Variants in PTH2R observed in about 807,000 individuals in gnomAD.
PTH2R encodes parathyroid hormone 2 receptor.
In PTH2R, 59 loss-of-function variants were observed where a neutral mutation model predicts 60.3. The ratio of observed to expected loss-of-function variants is 0.98; its 90% CI spans 0.79 to 1.22. PTH2R has a LOEUF of 1.22. Among genes scored for constraint, PTH2R ranks in the 50% most tolerant of loss-of-function variants. PTH2R has a pLI of 0.00. For missense variants in PTH2R, 749 were observed against 682.6 expected (o/e 1.10, Z -1.08); for synonymous variants, 256 against 243.8 (o/e 1.05, Z -0.47).
chr2:208,374,051 C>T (rs1439511130), intron 1 of PTH2R, among the ~76,000 whole-genome samples: 2 of 151,472 alleles, frequency 1.3e-5, no homozygotes. Context: ...ATAGGAATAG[C>T]CCCACCTTAA....
At position 208,399,092 on chromosome 2, in the gene PTH2R, A is replaced by C. The variant is rs551193995; in HGVS notation, c.-258-29109A>C. On this transcript the variant is annotated intron_variant, in intron 1 of 12. Coordinates refer to the PTH2R transcript ENST00000617735. ...CTTCTTCATACCTTATTGTTTACAT[A>C]ATCATCTCTTAGTTTCCCCTATCAC... 9.2e-5 allele frequency among the ~76,000 whole-genome samples: 14 copies of C among 152,326 alleles called. No homozygotes were observed. The South Asian group carries it at 2.9e-3, about 32-fold the overall frequency.
intron 1 of PTH2R, among the ~76,000 whole-genome samples, chr2:208,407,729 G>T (rs1701446596): frequency 1.3e-5 from 2 of 152,134 alleles, no homozygotes; most frequent in South Asian, 4.1e-4. Flanking sequence ...TCTTTAATGT[G>T]CAAGGCACAA....
At chr2:208,397,329 A>C (rs1701229845) in intron 1 of PTH2R, among the ~76,000 whole-genome samples, 1 of 151,946 alleles carries the variant, frequency 6.6e-6, no homozygotes, top group Admixed American at 6.6e-5. Context: ...GGCCAAGAGC[A>C]CCTTGGAATG....
At chr2:208,443,672 T>C in intron 6 of PTH2R, 135 bp downstream of exon 6, 3 of 661,242 alleles carry the variant, frequency 4.5e-6, no homozygotes, top group Non-Finnish European at 7.0e-6. Flanking sequence ...TCAATTTGTA[T>C]AGTGATGTTT....
chr2:208,437,827 G>C lies in PTH2R; in HGVS notation c.357G>C (p.Trp119Cys). 6.2e-7 allele frequency: 1 copy of C among 1,613,696 alleles called. No homozygotes were observed. The highest frequency in any genetic ancestry group is 8.5e-7 in the Non-Finnish European group (1 of 1,179,716). ...WDFMHSLNKTWANYSDCLRFL... is the reference protein window; with the variant it reads ...WDFMHSLNKTCANYSDCLRFL... ...TTATGCACAGCTTAAATAAAACATGGGCCAATTATTCAGACTGCCTTCGCT... is the reference window on the plus strand; with the variant it reads ...TTATGCACAGCTTAAATAAAACATGCGCCAATTATTCAGACTGCCTTCGCT... Residue 119 changes from tryptophan (W) to cysteine (C), a missense_variant, in exon 4 of 13, where the codon TGG (tryptophan) becomes TGC (cysteine). Physicochemically the swap from Trp to Cys is radical, Grantham distance 215. Transcript: ENST00000272847.
intron 1 of PTH2R, among the ~76,000 whole-genome samples, chr2:208,408,740 A>AGAGAGAGAGAGAGAGAGAGAGAGAGAG (rs1553542827): frequency 8.1e-6 from 1 of 123,314 alleles, no homozygotes; most frequent in Non-Finnish European, 1.6e-5. Context: ...GAGAGAGAGA[A>AGAGAGAGAGAGAGAGAGAGAGAGAGAG]AGAGAGAGAG....
intron 9 of PTH2R, among the ~76,000 whole-genome samples, chr2:208,477,931 G>C (rs1297975381): frequency 6.9e-6 from 1 of 144,476 alleles, no homozygotes; most frequent in African/African-American, 2.5e-5. Flanking sequence ...ACTAGTACTA[G>C]CACTACTACT....
At chr2:208,376,672 A>G (rs750619366) in intron 1 of PTH2R, among the ~76,000 whole-genome samples, 32 of 152,064 alleles carry the variant, frequency 2.1e-4, no homozygotes, top group East Asian at 1.3e-3. Flanking sequence ...CAAATCATCT[A>G]TCAAAACCCA....
intron 1 of PTH2R, among the ~76,000 whole-genome samples, chr2:208,365,639 T>C (rs572484605): frequency 6.6e-6 from 1 of 151,982 alleles, no homozygotes; most frequent in East Asian, 1.9e-4. Context: ...TTTTTTCTTG[T>C]AGTATTTTTG....
intron 9 of PTH2R, among the ~76,000 whole-genome samples, chr2:208,480,563 C>T (rs918431009): frequency 6.6e-6 from 1 of 152,156 alleles, no homozygotes; most frequent in African/African-American, 2.4e-5. Context: ...TCATTGACTA[C>T]ACTGGGAGCC....
exon 1 of PTH2R, chr2:208,359,798 G>C (rs1700406065): frequency 6.4e-6 from 1 of 155,782 alleles, no homozygotes; most frequent in South Asian, 1.8e-4. Flanking sequence ...AAGCCGGGAG[G>C]CCCGCCCCCT....
chr2:208,450,726 T>G (rs1432610565), intron 7 of PTH2R, 23 bp from the exon 8 acceptor site: 1 of 1,611,634 alleles, frequency 6.2e-7, no homozygotes, highest in African/African-American at 1.3e-5. Context: ...AAATCTAGTC[T>G]CTGAATCATT....
rs1353733611 is a variant in PTH2R, at chr2:208,493,328, C to G, written c.1322C>G (p.Pro441Arg). ...WNLSVDWKRT[P>R]PCGSRRCGSV... is the part of the protein sequence containing the mutation. ...CTCTCCGTGGACTGGAAAAGGACAC[C>G]GCCATGTGGCAGCCGCAGATGCGGC... The change falls in exon 13 of 13, where the codon CCG (proline) becomes CGG (arginine). Residue 441 changes from proline to arginine, a missense_variant. By Grantham distance (103) the Pro-to-Arg change is moderately radical. Transcript: ENST00000272847. 4.5e-6 allele frequency: 7 copies of G among 1,558,272 alleles called. No individual in the cohort carries two copies. In the Admixed American group the frequency reaches 1.3e-4, roughly 29 times the overall value.
Position 208,493,603 on chromosome 2 carries a change from A to T in PTH2R, c.1597A>T (p.Met533Leu), listed in dbSNP as rs150327079. 259 of 1,601,318 alleles carry T rather than the reference A, an allele frequency of 1.6e-4. No individual in the cohort carries two copies. Among genetic ancestry groups the T allele is most frequent in the Non-Finnish European group, 2.1e-4 (248 of 1,172,684 alleles). The change falls in exon 13 of 13, where the codon ATG becomes TTG. Residue 533 changes from methionine to leucine, a missense_variant. Coordinates refer to ENST00000272847, the MANE Select transcript of PTH2R (RefSeq NM_005048.4). ...DILMEKPSRP[M>L]ESNPDTEGCQ... ...TCTAATGGAGAAGCCTTCCAGGCCT[A>T]TGGAATCTAACCCAGACACTGAAGG...
chr2:208,410,243 A>G (rs1434194178), intron 1 of PTH2R, among the ~76,000 whole-genome samples: 1 of 152,244 alleles, frequency 6.6e-6, no homozygotes, highest in African/African-American at 2.4e-5. Context: ...TCATTTAATT[A>G]TCACAGTAAC....
chr2:208,406,869 C>A lies in PTH2R; in HGVS notation c.-175C>A. On this transcript the variant is annotated 5_prime_UTR_variant, in exon 1 of 13. Transcript: ENST00000272847. The stretch of plus-strand genomic sequence containing the variant: ...AGCAGCACGCGGGTTCTGAGAAGCG[C>A]GTGGCTCCGGCGACAAGACCCCAAG... The A allele has an allele frequency of 2.3e-6, 1 of 439,528 alleles. No homozygotes were observed. The highest frequency in any genetic ancestry group is 4.0e-6 in the Non-Finnish European group (1 of 252,604). The allele number at this position is 439,528 out of a possible 1,614,324, so 27.2% of individuals were successfully genotyped here.
At chr2:208,366,114 C>T (rs1700588513) in intron 1 of PTH2R, among the ~76,000 whole-genome samples, 2 of 150,068 alleles carry the variant, frequency 1.3e-5, no homozygotes, top group African/African-American at 4.9e-5. Flanking sequence ...GCCACCACGT[C>T]TGGCCAGTGT....
intron 1 of PTH2R, among the ~76,000 whole-genome samples, chr2:208,388,137 C>CCCCG (rs1701038593): frequency 6.7e-6 from 1 of 149,342 alleles, no homozygotes. Flanking sequence ...GTGAAACCCC[C>CCCCG]CCCCCCGTCT....
At chr2:208,471,469 G>A (rs773777070) in intron 9 of PTH2R, among the ~76,000 whole-genome samples, 13 of 152,200 alleles carry the variant, frequency 8.5e-5, no homozygotes, top group Non-Finnish European at 1.6e-4. Context: ...GTAGAGCTTG[G>A]GCCATGGCTT....
Sources: allele counts gnomAD v4.1 joint callset (sites outside exome capture counted in the v4.1 genomes callset), GRCh38; gene constraint gnomAD v4.1.1; transcripts MANE v1.5; gene names NCBI Gene and HGNC (gene_info 2026-07-23, HGNC 2026-07-21).